Variants in NF1 observed in about 807,000 individuals in gnomAD.
NF1 encodes neurofibromin.
Under a neutral mutation model 325.7 loss-of-function variants are expected in NF1, and 122 were observed. The ratio of observed to expected loss-of-function variants is 0.37; its 90% CI spans 0.32 to 0.44. The LOEUF (loss-of-function observed/expected upper bound fraction) is 0.44. NF1 is among the 20% of genes least tolerant of loss of function. The pLI is 1.00. For missense variants in NF1, 2,140 were observed against 3,415.4 expected, an observed-to-expected ratio of 0.63 and a Z score of 9.31; for synonymous variants, 1,091 against 1,186.0, an observed-to-expected ratio of 0.92 and a Z score of 1.65.
Position 31,154,196 on chromosome 17 carries a change from C to T in NF1, c.61-1787C>T, listed in dbSNP as rs1014715423. Among the ~76,000 whole-genome samples, 16 of 151,266 alleles carry T rather than the reference C, an allele frequency of 1.1e-4. No individual in the cohort carries two copies. The South Asian group carries it at 2.9e-3, about 28-fold the overall frequency. ...TCAGCCTCCCTAGTAGCTGGGATTACAGGCATGTGCCACCACGCTCGGCTA... is the reference window on the plus strand; with the variant it reads ...TCAGCCTCCCTAGTAGCTGGGATTATAGGCATGTGCCACCACGCTCGGCTA... On this transcript the variant is annotated intron_variant, in intron 1 of 57. Coordinates refer to ENST00000358273, the MANE Select transcript of NF1 (RefSeq NM_001042492.3).
chr17:31,259,213 G>A (rs1226995478), intron 33 of NF1, 84 bp downstream of exon 33: 2 of 919,614 alleles, frequency 2.2e-6, no homozygotes, highest in Non-Finnish European at 3.5e-6. Context: ...TGTTTTACAT[G>A]AAGTTCCTGT....
At chr17:31,206,174 T>G (rs1471761997) in intron 11 of NF1, 66 bp from the exon 12 acceptor site, 1 of 1,577,356 alleles carries the variant, frequency 6.3e-7, no homozygotes, top group South Asian at 1.1e-5. Flanking sequence ...ACTACAGTGA[T>G]AAACAGAGCA....
chr17:31,361,596 C>A (rs1167751360), intron 57 of NF1: 6 of 152,126 alleles, frequency 3.9e-5, no homozygotes, highest in Admixed American at 3.9e-4. Flanking sequence ...GTTCCATTAT[C>A]TGAAAAGTTC....
intron 1 of NF1, 162 bp downstream of exon 1, chr17:31,095,531 A>AGGCG: frequency 2.0e-6 from 1 of 509,616 alleles, no homozygotes; most frequent in Non-Finnish European, 3.3e-6. Flanking sequence ...GGGGTGGCCA[A>AGGCG]GGCGGGAGGT....
At chr17:31,220,354 T>C (rs1451957091) in intron 14 of NF1, among the ~76,000 whole-genome samples, 1 of 152,220 alleles carries the variant, frequency 6.6e-6, no homozygotes, top group Non-Finnish European at 1.5e-5. Context: ...TCCCGTAAAT[T>C]GATACATTTC....
At chr17:31,158,499 ACAG>A (rs1323000483) in intron 2 of NF1, among the ~76,000 whole-genome samples, 1 of 152,166 alleles carries the variant, frequency 6.6e-6, no homozygotes, top group East Asian at 1.9e-4. Context: ...TCAAAACAAA[ACAG>A]CATTGTTATA....
intron 1 of NF1, among the ~76,000 whole-genome samples, chr17:31,152,258 A>G (rs983698490): frequency 2.0e-5 from 3 of 151,660 alleles, no homozygotes; most frequent in Non-Finnish European, 2.9e-5. Context: ...AGTTCAAAAT[A>G]TGTTAAGGTA....
At chr17:31,281,509 T>C (rs2151485669) in intron 36 of NF1, among the ~76,000 whole-genome samples, 1 of 152,360 alleles carries the variant, frequency 6.6e-6, no homozygotes, top group Non-Finnish European at 1.5e-5. Flanking sequence ...GGGTAATGTC[T>C]GTAGAAGGAT....
Position 31,200,502 on chromosome 17 carries a change from C to T in NF1, c.969C>T (p.Ala323=), listed in dbSNP as rs786201462. 12 of 1,614,152 alleles carry T rather than the reference C, an allele frequency of 7.4e-6. No individual in the cohort carries two copies. The highest frequency in any genetic ancestry group is 1.1e-5 in the South Asian group (1 of 91,088). Residue 323 remains alanine, a synonymous_variant, in exon 9 of 58, where the codon GCC becomes GCT. Coordinates refer to ENST00000358273, the MANE Select transcript of NF1 (RefSeq NM_001042492.3). ...SRQLTESAAI[A]CVKLCKASTY... ...AGCTGACAGAAAGTGCTGCAATTGCCTGTGTCAAACTGTGTAAAGCAAGTA... is the reference window on the plus strand; with the variant it reads ...AGCTGACAGAAAGTGCTGCAATTGCTTGTGTCAAACTGTGTAAAGCAAGTA...
intron 38 of NF1, among the ~76,000 whole-genome samples, chr17:31,328,854 T>G (rs746461230): frequency 6.6e-6 from 1 of 152,184 alleles, no homozygotes; most frequent in Admixed American, 6.5e-5. Flanking sequence ...GCTTCAGAAA[T>G]TGTACATAAG....
intron 36 of NF1, among the ~76,000 whole-genome samples, chr17:31,287,607 T>G (rs2068258668): frequency 6.6e-6 from 1 of 151,572 alleles, no homozygotes; most frequent in Non-Finnish European, 1.5e-5. Context: ...TCACCCAGGC[T>G]AGAGTGCAGT....
At chr17:31,330,976 CTTTGT>C (rs1321218588) in intron 39 of NF1, 1 of 153,314 alleles carries the variant, frequency 6.5e-6, no homozygotes, top group East Asian at 1.9e-4. Flanking sequence ...TCAGTTCTGA[CTTTGT>C]TTTAACTAAG....
intron 4 of NF1, among the ~76,000 whole-genome samples, chr17:31,167,324 A>G (rs1247719192): frequency 6.6e-6 from 1 of 152,204 alleles, no homozygotes; most frequent in African/African-American, 2.4e-5. Context: ...TGATAGGAAG[A>G]GAGTTCATGT....
At chr17:31,183,374 GATGGA>G (rs1363611942) in intron 8 of NF1, 1 of 152,434 alleles carries the variant, frequency 6.6e-6, no homozygotes, top group South Asian at 2.1e-4. Context: ...TTTGCCTGTA[GATGGA>G]GATGTTCAGA....
Position 31,321,449 on chromosome 17 carries a change from G to C in NF1, c.4836-4371G>C, listed in dbSNP as rs73275688. ...TTCCTCGAACACTAATCTGTCAGAC[G>C]TTAGAAGTGAAAAGGCATAAGAAAA... On this transcript the variant is annotated intron_variant, in intron 36 of 57. Coordinates refer to ENST00000358273, the MANE Select transcript of NF1 (RefSeq NM_001042492.3). 132 of 152,228 alleles carry C rather than the reference G, an allele frequency of 8.7e-4. 1 individual carries two copies. Among genetic ancestry groups the C allele is most frequent in the African/African-American group, 3.0e-3 (124 of 41,542 alleles). The allele number at this position is 152,228 out of a possible 1,614,324, so 9.4% of individuals were successfully genotyped here.
intron 36 of NF1, among the ~76,000 whole-genome samples, chr17:31,266,886 C>T (rs1480866212): frequency 6.6e-6 from 1 of 151,766 alleles, no homozygotes; most frequent in East Asian, 1.9e-4. Context: ...GTCTTGTGGC[C>T]TGAGAATGCT....
intron 36 of NF1, among the ~76,000 whole-genome samples, chr17:31,294,287 T>A (rs188965116): frequency 6.6e-6 from 1 of 152,330 alleles, no homozygotes; most frequent in Non-Finnish European, 1.5e-5. Flanking sequence ...ATTATGTTTT[T>A]AACACTTTTC....
chr17:31,227,122 G>T, intron 18 of NF1, 96 bp from the exon 19 acceptor site: 1 of 1,273,804 alleles, frequency 7.9e-7, no homozygotes, highest in Non-Finnish European at 1.1e-6. Flanking sequence ...CATTTGCTCT[G>T]CTCTTCCTAC....
chr17:31,121,884 T>A (rs890271259), intron 1 of NF1, among the ~76,000 whole-genome samples: 1 of 152,202 alleles, frequency 6.6e-6, no homozygotes, highest in African/African-American at 2.4e-5. Context: ...GAATTTACTT[T>A]GACTTTTTCA....
Sources: allele counts gnomAD v4.1 joint callset (sites outside exome capture counted in the v4.1 genomes callset), GRCh38; gene constraint gnomAD v4.1.1; transcripts MANE v1.5; gene names NCBI Gene and HGNC (gene_info 2026-07-23, HGNC 2026-07-21).